The following LSM14A variants were observed in gnomAD, a reference collection of about 807,000 sequenced individuals.
The protein encoded by LSM14A is LSM14A mRNA processing body assembly factor.
In LSM14A, 14 loss-of-function variants were observed where a neutral mutation model predicts 52.4. The ratio of observed to expected loss-of-function variants is 0.27; its 90% CI spans 0.18 to 0.42. LSM14A has a LOEUF of 0.42. Ranked by LOEUF, LSM14A falls within the 10% of genes least tolerant of loss-of-function variation. LSM14A has a pLI of 1.00. For missense variants in LSM14A, 417 were observed against 581.8 expected, an observed-to-expected ratio of 0.72 and a Z score of 2.91; for synonymous variants, 185 against 200.3, an observed-to-expected ratio of 0.92 and a Z score of 0.64.
chr19:34,185,719 T>C (rs1415458096), intron 1 of LSM14A, among the ~76,000 whole-genome samples: 5 of 152,188 alleles, frequency 3.3e-5, no homozygotes, highest in Non-Finnish European at 7.4e-5. Context: ...TTCCAACATA[T>C]CTCAGATAGT....
intron 1 of LSM14A, among the ~76,000 whole-genome samples, chr19:34,173,934 CTTTATTTA>C (rs72429939): frequency 3.7e-4 from 56 of 150,962 alleles, no homozygotes; most frequent in Middle Eastern, 3.4e-3. Flanking sequence ...CTGGTAAATC[CTTTATTTA>C]TTTATTTATT....
At chr19:34,208,880 G>A in intron 3 of LSM14A, 49 bp from the exon 4 acceptor site, 1 of 1,361,234 alleles carries the variant, frequency 7.3e-7, no homozygotes, top group South Asian at 1.4e-5. Context: ...ATTGAATAAT[G>A]TCAAACATTT....
At chr19:34,185,510 G>A (rs552509132) in intron 1 of LSM14A, among the ~76,000 whole-genome samples, 6 of 152,328 alleles carry the variant, frequency 3.9e-5, no homozygotes, top group African/African-American at 1.2e-4. Context: ...GAAGCAGGCC[G>A]TGATGTGGTT....
chr19:34,191,385 G>A (rs2070371093), intron 1 of LSM14A, among the ~76,000 whole-genome samples: 1 of 148,116 alleles, frequency 6.8e-6, no homozygotes, highest in African/African-American at 2.4e-5. Context: ...CAAACTGCTG[G>A]TAATGGAAAA....
intron 4 of LSM14A, among the ~76,000 whole-genome samples, chr19:34,213,549 A>AT (rs1318465819): frequency 6.6e-6 from 1 of 152,280 alleles, no homozygotes; most frequent in East Asian, 1.9e-4. Context: ...TTTGCAGCAT[A>AT]TTTGGGGGAT....
chr19:34,202,546 C>T (rs868590317), intron 3 of LSM14A, among the ~76,000 whole-genome samples: 3 of 151,264 alleles, frequency 2.0e-5, no homozygotes, highest in East Asian at 1.9e-4. Context: ...ATTAAATCTA[C>T]ACTGAGACAC....
At chr19:34,218,072 C>T (rs2072794337) in intron 6 of LSM14A, among the ~76,000 whole-genome samples, 1 of 146,154 alleles carries the variant, frequency 6.8e-6, no homozygotes, top group African/African-American at 2.5e-5. Context: ...GGTGCGATCT[C>T]TGCTCACTGC....
chr19:34,205,985 T>C (rs1003158703), intron 3 of LSM14A, among the ~76,000 whole-genome samples: 10 of 151,956 alleles, frequency 6.6e-5, no homozygotes, highest in African/African-American at 2.4e-4. Context: ...AAGAATAATA[T>C]GGGAATATAT....
At chr19:34,177,148 A>G (rs1002173064) in intron 1 of LSM14A, among the ~76,000 whole-genome samples, 23 of 152,278 alleles carry the variant, frequency 1.5e-4, no homozygotes, top group African/African-American at 5.1e-4. Context: ...ATATATCTCC[A>G]TTGTTGGATG....
chr19:34,200,348 A>G (rs2071205087), intron 3 of LSM14A, among the ~76,000 whole-genome samples: 1 of 152,244 alleles, frequency 6.6e-6, no homozygotes, highest in Admixed American at 6.5e-5. Flanking sequence ...GAAAACTTAA[A>G]AAGTTGGTGT....
intron 1 of LSM14A, among the ~76,000 whole-genome samples, chr19:34,193,829 A>G (rs899230712): frequency 3.3e-5 from 5 of 152,180 alleles, no homozygotes; most frequent in Admixed American, 2.0e-4. Context: ...TCCCCAAGAA[A>G]GACATGGGTT....
chr19:34,193,341 T>TTTC (rs2070601761), intron 1 of LSM14A, among the ~76,000 whole-genome samples: 1 of 152,134 alleles, frequency 6.6e-6, no homozygotes, highest in Non-Finnish European at 1.5e-5. Flanking sequence ...TTTATTTTTT[T>TTTC]GTAGAGACAG....
chr19:34,220,906 A>G (rs985049317), intron 8 of LSM14A, among the ~76,000 whole-genome samples: 2 of 152,082 alleles, frequency 1.3e-5, no homozygotes, highest in Non-Finnish European at 2.9e-5. Context: ...AGCGAAGTCA[A>G]TTACCAATCT....
intron 3 of LSM14A, among the ~76,000 whole-genome samples, chr19:34,198,847 C>A (rs1255035785): frequency 6.6e-6 from 1 of 151,250 alleles, no homozygotes; most frequent in Non-Finnish European, 1.5e-5. Flanking sequence ...ATTAGCCGGG[C>A]GTGGTGGTGG....
At chr19:34,201,335 ATTAAC>A (rs1406193090) in intron 3 of LSM14A, among the ~76,000 whole-genome samples, 1 of 152,160 alleles carries the variant, frequency 6.6e-6, no homozygotes, top group Non-Finnish European at 1.5e-5. Flanking sequence ...CAGAAAAGGA[ATTAAC>A]TTAAATTTAG....
intron 1 of LSM14A, among the ~76,000 whole-genome samples, chr19:34,185,941 T>C (rs2069876274): frequency 1.3e-5 from 2 of 152,204 alleles, no homozygotes; most frequent in African/African-American, 2.4e-5. Context: ...TCAGTTGTTA[T>C]TTACTCTAAA....
intron 3 of LSM14A, among the ~76,000 whole-genome samples, chr19:34,205,112 A>G (rs1272000403): frequency 6.6e-6 from 1 of 152,140 alleles, no homozygotes; most frequent in Non-Finnish European, 1.5e-5. Flanking sequence ...AGCCTGGGTT[A>G]CAGGGCAAGA....
intron 1 of LSM14A, among the ~76,000 whole-genome samples, chr19:34,192,632 C>CAAAAAAAAAAAAAAAAAAAAAA (rs548374017): frequency 2.6e-5 from 2 of 76,952 alleles, no homozygotes; most frequent in Non-Finnish European, 4.7e-5. Context: ...ATCAGTTCTG[C>CAAAAAAAAAAAAAAAAAAAAAA]AAAAAAAAAA....
chr19:34,197,431 C>CTT (rs531343486), intron 3 of LSM14A, among the ~76,000 whole-genome samples: 51 of 63,288 alleles, frequency 8.1e-4, no homozygotes, highest in South Asian at 4.8e-3. Flanking sequence ...ATTTCTTTTT[C>CTT]TTTTTTTTTT....
Sources: gnomAD v4.1 joint callset for allele counts (sites outside exome capture counted in the v4.1 genomes callset) on GRCh38, gnomAD v4.1.1 for gene constraint, MANE v1.5 for transcripts, NCBI Gene and HGNC (gene_info 2026-07-23, HGNC 2026-07-21) for gene names.